Variants in CNTFR observed in about 807,000 individuals in gnomAD.
CNTFR encodes the protein ciliary neurotrophic factor receptor subunit alpha.
In CNTFR, 12 loss-of-function variants were observed where a neutral mutation model predicts 40.4. That is an observed-to-expected ratio of 0.30 (90% CI 0.19 to 0.48). The LOEUF (loss-of-function observed/expected upper bound fraction) is 0.48, where lower values mean the gene tolerates loss of function less well. Ranked by LOEUF, CNTFR falls within the 20% of genes least tolerant of loss-of-function variation. The pLI is 0.99. For missense variants in CNTFR, 414 were observed against 506.8 expected, an observed-to-expected ratio of 0.82 and a Z score of 1.76; for synonymous variants, 202 against 209.6, an observed-to-expected ratio of 0.96 and a Z score of 0.31.
At chr9:34,578,082 C>A (rs1168390194) in intron 2 of CNTFR, among the ~76,000 whole-genome samples, 1 of 151,690 alleles carries the variant, frequency 6.6e-6, no homozygotes, top group Non-Finnish European at 1.5e-5. Context: ...CGCCTGCGGG[C>A]ATCGGGTCTG....
At chr9:34,582,406 C>A (rs1008721115) in intron 1 of CNTFR, 16 of 152,058 alleles carry the variant, frequency 1.1e-4, no homozygotes, top group African/African-American at 3.6e-4. Context: ...GGTAAAGGAG[C>A]TGGCCTTGAA....
Position 34,557,845 on chromosome 9 carries a change from G to A in CNTFR, c.437+22C>T, listed in dbSNP as rs574206625. On this transcript the variant is annotated intron_variant, in intron 5 of 9. Transcript: ENST00000378980. The surrounding 1 kb of genome is among the most constrained non-coding windows in gnomAD (Gnocchi z 4.2). ...AGGTCAGAGGTCAGGGCTGGACCCGGGTCACAGGCGCAGCTACTCACAGCA... is the reference window on the plus strand; with the variant it reads ...AGGTCAGAGGTCAGGGCTGGACCCGAGTCACAGGCGCAGCTACTCACAGCA... 5 of 1,550,198 alleles carry A rather than the reference G, an allele frequency of 3.2e-6. No individual in the cohort carries two copies. In the South Asian group the frequency reaches 6.1e-5, roughly 19 times the overall value.
intron 4 of CNTFR, among the ~76,000 whole-genome samples, chr9:34,559,009 A>T (rs983371601): frequency 1.3e-5 from 2 of 152,196 alleles, no homozygotes; most frequent in African/African-American, 4.8e-5. Context: ...TCCTGGAAGG[A>T]GGCAGCTTAT....
chr9:34,579,451 CAG>C (rs1000294345), intron 2 of CNTFR, among the ~76,000 whole-genome samples: 2 of 151,810 alleles, frequency 1.3e-5, no homozygotes, highest in African/African-American at 2.4e-5. Context: ...GGCTGGGAGA[CAG>C]AGACAAATCA....
intron 2 of CNTFR, among the ~76,000 whole-genome samples, chr9:34,576,928 G>A (rs571520859): frequency 3.9e-5 from 6 of 152,346 alleles, no homozygotes; most frequent in African/African-American, 1.4e-4. Flanking sequence ...TGGCCTGGCT[G>A]CAGAAAGGGC....
At position 34,557,467 on chromosome 9, in the gene CNTFR, CA is replaced by C; in HGVS notation, c.604+58del. ...CATGTGGACATCCCCACCAATGGCACACATCCACTTACATTCCCACTGGAGT... is the reference window on the plus strand; with the variant it reads ...CATGTGGACATCCCCACCAATGGCACCATCCACTTACATTCCCACTGGAGT... On this transcript the variant is annotated intron_variant, in intron 6 of 9. Coordinates refer to ENST00000378980, the MANE Select transcript of CNTFR (RefSeq NM_147164.3). This position sits in a 1 kb window ranked among gnomAD's most constrained non-coding sequence, Gnocchi z 4.2. 6.3e-7 allele frequency: 1 copy of C among 1,579,862 alleles called. No individual in the cohort carries two copies.
At chr9:34,572,216 C>T (rs140452799) in intron 2 of CNTFR, among the ~76,000 whole-genome samples, 3,299 of 152,064 alleles carry the variant, frequency 0.022, 70 homozygotes, top group South Asian at 0.072. Context: ...AGGCCAGTTT[C>T]ACTTCCCCCT....
chr9:34,551,647 G>A lies in CNTFR; in HGVS notation c.*424C>T. On this transcript the variant is annotated 3_prime_UTR_variant, in exon 10 of 10. Coordinates refer to ENST00000378980, the MANE Select transcript of CNTFR (RefSeq NM_147164.3). ...AAATTGTGGGTGCTGGGGGGAGGGG[G>A]ATGGCTGGGCCCCCCCAGCATCAGG... The A allele has an allele frequency of 3.0e-6, 1 of 335,256 alleles. No individual in the cohort carries two copies. Among genetic ancestry groups the A allele is most frequent in the Non-Finnish European group, 5.6e-6 (1 of 177,716 alleles). The allele number at this position is 335,256 out of a possible 1,614,324, so 20.8% of individuals were successfully genotyped here.
intron 3 of CNTFR, among the ~76,000 whole-genome samples, chr9:34,568,589 C>G (rs1244844437): frequency 6.6e-6 from 1 of 152,132 alleles, no homozygotes; most frequent in Non-Finnish European, 1.5e-5. Flanking sequence ...CCCTTTCACC[C>G]AGATACAATA....
chr9:34,561,971 G>A (rs1441118439), intron 4 of CNTFR, among the ~76,000 whole-genome samples: 1 of 152,198 alleles, frequency 6.6e-6, no homozygotes, highest in Non-Finnish European at 1.5e-5. Context: ...AAAGGTCTGG[G>A]CCCTGGTCAC....
At chr9:34,587,251 A>G (rs939816011) in intron 1 of CNTFR, among the ~76,000 whole-genome samples, 1 of 152,208 alleles carries the variant, frequency 6.6e-6, no homozygotes, top group African/African-American at 2.4e-5. Context: ...GACCCTGGTC[A>G]TAAGGGCTTC....
intron 4 of CNTFR, among the ~76,000 whole-genome samples, chr9:34,563,853 C>T (rs996641873): frequency 5.3e-5 from 8 of 152,142 alleles, no homozygotes; most frequent in Admixed American, 2.0e-4. Context: ...TCCTTCCTAC[C>T]TTGGTTTTTC....
Position 34,568,985 on chromosome 9 carries a change from T to C in CNTFR, c.1-4A>G, listed in dbSNP as rs773479532. 4.4e-6 allele frequency: 7 copies of C among 1,588,618 alleles called. No homozygotes were observed. In the East Asian group the frequency reaches 6.9e-5, roughly 16 times the overall value. On this transcript the variant is annotated splice_polypyrimidine_tract_variant and splice_region_variant and intron_variant, in intron 2 of 9. Coordinates refer to ENST00000378980, the MANE Select transcript of CNTFR (RefSeq NM_147164.3). ...CCCACGGGACAGGAGCAGCCATCTG[T>C]TGGGAGAAACCGGGGTGGGGGAGGG... is the stretch of plus-strand genomic sequence containing the variant.
chr9:34,576,380 T>A (rs921843861), intron 2 of CNTFR, among the ~76,000 whole-genome samples: 1 of 152,184 alleles, frequency 6.6e-6, no homozygotes, highest in African/African-American at 2.4e-5. Context: ...GACACCATTG[T>A]ACACTTCCAG....
upstream of CNTFR, chr9:34,590,166 GCA>G (rs3840739): frequency 7.6e-4 from 114 of 150,456 alleles, no homozygotes; most frequent in Middle Eastern, 3.2e-3. Flanking sequence ...ACGCGCGCGC[GCA>G]CACACACACA....
intron 7 of CNTFR, 64 bp downstream of exon 7, chr9:34,556,191 G>C: frequency 6.6e-7 from 1 of 1,524,180 alleles, no homozygotes; most frequent in African/African-American, 1.4e-5. Flanking sequence ...TGGGATATGG[G>C]TGCCACTCAC....
intron 1 of CNTFR, among the ~76,000 whole-genome samples, chr9:34,585,172 T>C (rs1401710224): frequency 6.6e-6 from 1 of 152,212 alleles, no homozygotes; most frequent in Non-Finnish European, 1.5e-5. Flanking sequence ...CTTCCTCTGG[T>C]GTACGAGGTC....
intron 2 of CNTFR, among the ~76,000 whole-genome samples, chr9:34,570,453 G>T (rs1826546215): frequency 6.6e-6 from 1 of 152,238 alleles, no homozygotes; most frequent in South Asian, 2.1e-4. Flanking sequence ...GACAAAGCCA[G>T]AGAGCTAAGA....
At chr9:34,589,907 C>T (rs913462436), upstream of CNTFR, among the ~76,000 whole-genome samples, 3 of 150,452 alleles carry the variant, frequency 2.0e-5, no homozygotes, top group African/African-American at 7.3e-5. The surrounding 1 kb of genome is among the most constrained non-coding windows in gnomAD (Gnocchi z 4.4). Context: ...GACCCCTCCC[C>T]GCCACGGGCC....
Sources: allele counts gnomAD v4.1 joint callset (sites outside exome capture counted in the v4.1 genomes callset), GRCh38; gene constraint gnomAD v4.1.1; non-coding constraint Gnocchi (gnomAD v3.1); transcripts MANE v1.5; gene names NCBI Gene and HGNC (gene_info 2026-07-23, HGNC 2026-07-21).